RPL19: variants seen among roughly 807,000 people sequenced by gnomAD.
The protein encoded by RPL19 is ribosomal protein L19.
Under a neutral mutation model 25.1 loss-of-function variants are expected in RPL19, and 2 were observed. The ratio of observed to expected loss-of-function variants is 0.08; its 90% CI spans 0.03 to 0.25. RPL19 has a LOEUF of 0.25. Among genes scored for constraint, RPL19 ranks in the 10% least tolerant of loss-of-function variants. RPL19 has a pLI of 1.00. For synonymous variants in RPL19, 89 were observed against 91.2 expected, an observed-to-expected ratio of 0.98 and a Z score of 0.14; for missense variants, 123 against 271.8, an observed-to-expected ratio of 0.45 and a Z score of 3.85.
chr17:39,202,502 C>G, intron 3 of RPL19, 63 bp downstream of exon 3: 1 of 1,588,354 alleles, frequency 6.3e-7, no homozygotes, highest in Non-Finnish European at 8.6e-7. Flanking sequence ...GAAATATATT[C>G]AGGATCTAAG....
In RPL19 at chr17:39,204,529, C is replaced by A. The variant is rs201111668; in HGVS notation, c.472C>A (p.Gln158Lys). The change falls in exon 6 of 6, where the codon CAG (glutamine) becomes AAG (lysine). Residue 158 changes from glutamine (Q) to lysine (K), a missense_variant. By Grantham distance (53) the Gln-to-Lys change is moderately conservative (BLOSUM62 1). Coordinates refer to ENST00000225430, the MANE Select transcript of RPL19 (RefSeq NM_000981.4). ...DKARKKLLAD[Q>K]AEARRSKTKE... ...TCTTTTCTCTTCCCTGACCAGTGACCAGGCTGAGGCCCGCAGGTCTAAGAC... is the reference window on the plus strand; with the variant it reads ...TCTTTTCTCTTCCCTGACCAGTGACAAGGCTGAGGCCCGCAGGTCTAAGAC... 1 of 1,614,122 alleles carries A rather than the reference C, an allele frequency of 6.2e-7. No individual in the cohort carries two copies. Among genetic ancestry groups the A allele is most frequent in the South Asian group, 1.1e-5 (1 of 91,080 alleles).
intron 5 of RPL19, 96 bp downstream of exon 5, chr17:39,204,283 C>T: frequency 1.1e-6 from 1 of 890,120 alleles, no homozygotes; most frequent in Non-Finnish European, 1.8e-6. Context: ...TCTTGACTTG[C>T]ACGTAGTCTG....
chr17:39,204,072 T>A lies in RPL19; in HGVS notation c.357-5T>A. On this transcript the variant is annotated splice_region_variant and splice_polypyrimidine_tract_variant and intron_variant, in intron 4 of 5. Coordinates refer to ENST00000225430, the MANE Select transcript of RPL19 (RefSeq NM_000981.4). ...CAGCATCTCTTCACTCCGTGTACCC[T>A]GCAGGTATCACAGCCTGTACCTGAA... 1 of 1,552,388 alleles carries A rather than the reference T, an allele frequency of 6.4e-7. No homozygotes were observed. Among genetic ancestry groups the A allele is most frequent in the Non-Finnish European group, 8.9e-7 (1 of 1,123,936 alleles).
At chr17:39,201,404 T>C in intron 2 of RPL19, 85 bp downstream of exon 2, 2 of 839,588 alleles carry the variant, frequency 2.4e-6, no homozygotes, top group Non-Finnish European at 3.9e-6. Flanking sequence ...TGTTGACTTT[T>C]TTTTTTTTTT....
chr17:39,202,242 T>C lies in RPL19; in HGVS notation c.113-75T>C, dbSNP rs979109055. 6 of 1,579,574 alleles carry C rather than the reference T, an allele frequency of 3.8e-6. No homozygotes were observed. In the Admixed American group the frequency reaches 8.4e-5, roughly 22 times the overall value. ...TGGGGCCAAGAATGTGAGCAGTGTC[T>C]CTGGCCTGGCCTATTTGGACTCTGT... On this transcript the variant is annotated intron_variant, in intron 2 of 5. Transcript: ENST00000225430.
chr17:39,204,169 C>T lies in RPL19; in HGVS notation c.449C>T (p.Ala150Val), dbSNP rs2046309029. ...EHIHKLKADK[A>V]RKKLLADQAE... is the part of the protein sequence containing the mutation. ...ATCCACAAGCTGAAGGCAGACAAGG[C>T]CCGCAAGAAGCTCCTGGCGTAAGTT... The change falls in exon 5 of 6, where the codon GCC (alanine) becomes GTC (valine). Residue 150 changes from alanine to valine, a missense_variant. Physicochemically the swap from Ala to Val is moderately conservative, Grantham distance 64. Transcript: ENST00000225430. 6.2e-7 allele frequency: 1 copy of T among 1,608,226 alleles called. No individual in the cohort carries two copies. The highest frequency in any genetic ancestry group is 1.3e-5 in the African/African-American group (1 of 74,800).
chr17:39,202,661 C>T, intron 3 of RPL19: 2 of 616,682 alleles, frequency 3.2e-6, no homozygotes, highest in South Asian at 2.0e-5. Flanking sequence ...CTACACTATG[C>T]CAAGGATTCT....
rs544558802 is a variant in RPL19, at chr17:39,200,313, A to G, written c.-32A>G. The G allele has an allele frequency of 2.2e-4, 334 of 1,541,892 alleles. 4 individuals are homozygous for G. The East Asian group carries it at 7.5e-3, about 34-fold the overall frequency. On this transcript the variant is annotated 5_prime_UTR_variant, in exon 1 of 6. Transcript: ENST00000225430. ...TAATGGGAGGAGCCGGGCCCGAGCG[A>G]GCTCTTTCCTTTCGCTGCTGCGGCC...
At chr17:39,202,965 G>A (rs999487092) in intron 3 of RPL19, 24 bp from the exon 4 acceptor site, 19 of 1,613,508 alleles carry the variant, frequency 1.2e-5, no homozygotes, top group Admixed American at 5.0e-5. Flanking sequence ...GTAGTGGCCC[G>A]TTCCTAACTC....
intron 1 of RPL19, 177 bp from the exon 2 acceptor site, chr17:39,201,036 T>A: frequency 1.8e-6 from 1 of 554,898 alleles, no homozygotes; most frequent in Non-Finnish European, 3.2e-6. Flanking sequence ...ATAGCGTGGG[T>A]TTTGAAGTCT....
chr17:39,200,692 G>A (rs1161036419), intron 1 of RPL19: 15 of 1,102,754 alleles, frequency 1.4e-5, no homozygotes, highest in South Asian at 1.1e-4. Context: ...CTGCTTTCAC[G>A]TGATGTAGGG....
At chr17:39,202,193 G>T in intron 2 of RPL19, 124 bp from the exon 3 acceptor site, 1 of 1,196,980 alleles carries the variant, frequency 8.4e-7, no homozygotes, top group Non-Finnish European at 1.2e-6. Context: ...ATAAGTTCCA[G>T]TGTTTCCATC....
intron 2 of RPL19, among the ~76,000 whole-genome samples, chr17:39,201,792 A>G (rs1264744104): frequency 6.6e-6 from 1 of 151,900 alleles, no homozygotes; most frequent in Non-Finnish European, 1.5e-5. Context: ...GGCTGGTCTC[A>G]AACTCCTGAC....
intron 1 of RPL19, chr17:39,200,674 G>A (rs763840391): frequency 3.6e-6 from 4 of 1,122,248 alleles, no homozygotes; most frequent in South Asian, 3.4e-5. Flanking sequence ...CCGGAGCGGA[G>A]CCGATCTCTG....
rs374608660 is a variant in RPL19, at chr17:39,200,321, C to T, written c.-24C>T. 72 of 1,550,970 alleles carry T rather than the reference C, an allele frequency of 4.6e-5. No homozygotes were observed. The East Asian group carries it at 1.4e-3, about 30-fold the overall frequency. On this transcript the variant is annotated 5_prime_UTR_variant, in exon 1 of 6. Transcript: ENST00000225430. ...GGAGCCGGGCCCGAGCGAGCTCTTT[C>T]CTTTCGCTGCTGCGGCCGCAGCCAT...
intron 1 of RPL19, chr17:39,201,004 T>G: frequency 2.0e-6 from 1 of 510,994 alleles, no homozygotes; most frequent in Admixed American, 3.7e-5. Context: ...AATGCGAACA[T>G]GAGGCTCCGA....
intron 2 of RPL19, 80 bp downstream of exon 2, chr17:39,201,399 A>AAT: frequency 1.3e-6 from 1 of 781,230 alleles, no homozygotes; most frequent in Non-Finnish European, 2.0e-6. Context: ...AATTGTGTTG[A>AAT]CTTTTTTTTT....
chr17:39,201,360 TTTCTC>T (rs762605417), intron 2 of RPL19, 41 bp downstream of exon 2: 3 of 1,181,498 alleles, frequency 2.5e-6, no homozygotes, highest in South Asian at 2.5e-5. Flanking sequence ...ACTTCCTTCT[TTTCTC>T]CTGCGTCAGA....
intron 4 of RPL19, 55 bp from the exon 5 acceptor site, chr17:39,204,022 A>C: frequency 5.2e-6 from 5 of 962,204 alleles, no homozygotes; most frequent in Non-Finnish European, 8.5e-6. Flanking sequence ...ACAGCTCACA[A>C]GGCAGCCTCT....
Sources: allele counts gnomAD v4.1 joint callset (sites outside exome capture counted in the v4.1 genomes callset), GRCh38; gene constraint gnomAD v4.1.1; transcripts MANE v1.5; gene names NCBI Gene and HGNC (gene_info 2026-07-23, HGNC 2026-07-21).